Variants in SLC18A2 observed in about 807,000 individuals in gnomAD.
SLC18A2 encodes synaptic vesicular amine transporter.
A neutral mutation model predicts 59.2 loss-of-function variants in SLC18A2; 33 were observed. That is an observed-to-expected ratio of 0.56 (90% CI 0.42 to 0.75). The LOEUF is 0.75. Among genes scored for constraint, SLC18A2 ranks in the 30% least tolerant of loss-of-function variants. The pLI is 0.00. For synonymous variants in SLC18A2, 228 were observed against 253.5 expected (o/e 0.90, Z 0.95); for missense variants, 569 against 668.6 (o/e 0.85, Z 1.64).
chr10:117,260,955 G>A (rs1844288184), intron 10 of SLC18A2, among the ~76,000 whole-genome samples: 1 of 152,200 alleles, frequency 6.6e-6, no homozygotes, highest in South Asian at 2.1e-4. Context: ...AACATCTCAT[G>A]ACTATGGGTC....
At chr10:117,258,799 C>T (rs1389934155) in intron 10 of SLC18A2, among the ~76,000 whole-genome samples, 1 of 143,604 alleles carries the variant, frequency 7.0e-6, no homozygotes, top group Non-Finnish European at 1.5e-5. Context: ...CAAAGTCTCA[C>T]TCTGTCACCC....
In SLC18A2 at chr10:117,241,736, A is replaced by G; in HGVS notation, c.43A>G (p.Ser15Gly). The G allele has an allele frequency of 6.2e-7, 1 of 1,608,200 alleles. No individual in the cohort carries two copies. The highest frequency in any genetic ancestry group is 1.1e-5 in the South Asian group (1 of 90,486). ...GGCGCTGGTCCGCTGGCTGCAGGAG[A>G]GCCGCCGCTCGCGGAAGCTCATCCT... The part of the protein sequence containing the change: ...ELALVRWLQE[S>G]RRSRKLILFI... The change falls in exon 2 of 16, where the codon AGC (serine) becomes GGC (glycine). Residue 15 changes from serine to glycine, a missense_variant. Physicochemically the swap from Ser to Gly is moderately conservative, Grantham distance 56 (BLOSUM62 0). Coordinates refer to ENST00000644641, the MANE Select transcript of SLC18A2 (RefSeq NM_003054.6).
intron 10 of SLC18A2, among the ~76,000 whole-genome samples, chr10:117,259,615 C>T (rs929493): frequency 0.7 from 107,148 of 152,134 alleles, 39,346 homozygotes; most frequent in Middle Eastern, 0.85. Context: ...ACTTTGTCTG[C>T]ATGTATAATT....
chr10:117,269,074 C>T lies in SLC18A2; in HGVS notation c.1187-997C>T, dbSNP rs1266400859. 6.6e-6 allele frequency among the ~76,000 whole-genome samples: 1 copy of T among 151,218 alleles called. No individual in the cohort carries two copies. The highest frequency in any genetic ancestry group is 2.4e-5 in the African/African-American group (1 of 41,092). On this transcript the variant is annotated intron_variant, in intron 13 of 15. Coordinates refer to ENST00000644641, the MANE Select transcript of SLC18A2 (RefSeq NM_003054.6). This position sits in a 1 kb window ranked among gnomAD's most constrained non-coding sequence, Gnocchi z 5.1. Reference sequence around the variant, plus strand: ...CCCCCCACATAAACACATACACATACACAAATATACATACACACATATGCA... The same window carrying T: ...CCCCCCACATAAACACATACACATATACAAATATACATACACACATATGCA...
intron 15 of SLC18A2, among the ~76,000 whole-genome samples, chr10:117,276,956 A>T (rs1322576127): frequency 6.6e-6 from 1 of 152,208 alleles, no homozygotes; most frequent in Non-Finnish European, 1.5e-5. Context: ...TGCAGAGACC[A>T]CTTCTGTCTC....
At chr10:117,270,526 C>A in intron 15 of SLC18A2, 63 bp downstream of exon 15, 2 of 1,576,090 alleles carry the variant, frequency 1.3e-6, no homozygotes, top group Non-Finnish European at 8.7e-7. Flanking sequence ...TTCCTGATAG[C>A]TTCCTCATGG....
Position 117,250,147 on chromosome 10 carries a change from G to A in SLC18A2, c.465-3252G>A, listed in dbSNP as rs3026052. ...CGAGGGGCCAGAAGAGTTTGAGAAC[G>A]GAGACCCAGGAGCTTCCCAGGGAGT... On this transcript the variant is annotated intron_variant, in intron 3 of 15. Transcript: ENST00000644641. Among the ~76,000 whole-genome samples, 764 of 152,290 alleles carry A rather than the reference G, an allele frequency of 5.0e-3. 16 individuals carry two copies. Among genetic ancestry groups the A allele is most frequent in the East Asian group, 0.048 (251 of 5,176 alleles).
chr10:117,248,335 G>C (rs114847032), intron 3 of SLC18A2, among the ~76,000 whole-genome samples: 1 of 152,026 alleles, frequency 6.6e-6, no homozygotes, highest in African/African-American at 2.4e-5. Flanking sequence ...ACAATTCTTG[G>C]GTTCATTTAA....
At chr10:117,242,921 A>G (rs1161910621) in intron 2 of SLC18A2, among the ~76,000 whole-genome samples, 1 of 152,102 alleles carries the variant, frequency 6.6e-6, no homozygotes, top group East Asian at 1.9e-4. Context: ...TATTAGAGAC[A>G]GGATTTTGCC....
intron 3 of SLC18A2, among the ~76,000 whole-genome samples, chr10:117,246,528 G>T (rs368765847): frequency 6.6e-6 from 1 of 152,180 alleles, no homozygotes. Context: ...TATTCTCATG[G>T]TGAGTAATCC....
intron 12 of SLC18A2, 105 bp from the exon 13 acceptor site, chr10:117,267,568 G>A: frequency 1.3e-6 from 1 of 768,890 alleles, no homozygotes; most frequent in Non-Finnish European, 2.1e-6. Flanking sequence ...CTTCAGAAGG[G>A]AACAGGCATA....
At chr10:117,273,859 C>A (rs369737427) in intron 15 of SLC18A2, among the ~76,000 whole-genome samples, 2 of 152,222 alleles carry the variant, frequency 1.3e-5, no homozygotes, top group African/African-American at 4.8e-5. Flanking sequence ...TTGTTTGTAC[C>A]ACTTAGGAGA....
rs1311499273 is a variant in SLC18A2, at chr10:117,270,200, T to C, written c.1306+10T>C. 5.6e-6 allele frequency: 9 copies of C among 1,614,146 alleles called. No individual in the cohort carries two copies. The highest frequency in any genetic ancestry group is 1.3e-5 in the African/African-American group (1 of 75,058). On this transcript the variant is annotated intron_variant, in intron 14 of 15. Transcript: ENST00000644641. ...ATGGGGTATGCTATAGGTAAGGACA[T>C]TGGCTTTTCATAAGAACCTTTTACC...
intron 9 of SLC18A2, 37 bp from the exon 10 acceptor site, chr10:117,257,760 G>T (rs772680783): frequency 2.8e-6 from 4 of 1,411,514 alleles, no homozygotes; most frequent in Non-Finnish European, 3.9e-6. Flanking sequence ...TGAGAGAGGA[G>T]GCAGAAGCCA....
At chr10:117,249,680 A>G (rs1382637981) in intron 3 of SLC18A2, among the ~76,000 whole-genome samples, 1 of 152,258 alleles carries the variant, frequency 6.6e-6, no homozygotes, top group Non-Finnish European at 1.5e-5. Flanking sequence ...CTCTATGGCA[A>G]GGATAAGCTA....
intron 3 of SLC18A2, among the ~76,000 whole-genome samples, chr10:117,247,800 G>T (rs551336835): frequency 1.3e-5 from 2 of 152,158 alleles, no homozygotes; most frequent in East Asian, 3.9e-4. Context: ...TAGTCAGGCT[G>T]GGCAGAGCTA....
chr10:117,257,786 C>G lies in SLC18A2; in HGVS notation c.896-11C>G, dbSNP rs1171008594. On this transcript the variant is annotated splice_polypyrimidine_tract_variant and intron_variant, in intron 9 of 15. Coordinates refer to ENST00000644641, the MANE Select transcript of SLC18A2 (RefSeq NM_003054.6). ...GCAGAAGCCACTACAAAGCCCTTTC[C>G]TCCCTTACAGGCTCCATCTGCTTTG... 3.2e-6 allele frequency: 5 copies of G among 1,579,816 alleles called. No individual in the cohort carries two copies. Among genetic ancestry groups the G allele is most frequent in the African/African-American group, 1.4e-5 (1 of 73,746 alleles).
chr10:117,277,921 T>C lies in SLC18A2; in HGVS notation c.*655T>C, dbSNP rs192631119. The C allele has an allele frequency of 7.9e-5, 12 of 152,306 alleles. No individual in the cohort carries two copies. The East Asian group carries it at 2.1e-3, about 27-fold the overall frequency. 9.4% of individuals were successfully genotyped at this position (152,306 alleles called of 1,614,324 possible). On this transcript the variant is annotated 3_prime_UTR_variant, in exon 16 of 16. Transcript: ENST00000644641. ...AGTTGTAAATTATATGTTAACATGT[T>C]ATCTGGTTGGCAGCAAACACTAAAG... is the stretch of plus-strand genomic sequence containing the variant.
rs1844402220 is a variant in SLC18A2 at position 117,269,734 on chromosome 10, T to C, written c.1187-337T>C. 6.6e-6 allele frequency among the ~76,000 whole-genome samples: 1 copy of C among 152,224 alleles called. No individual in the cohort carries two copies. The highest frequency in any genetic ancestry group is 2.4e-5 in the African/African-American group (1 of 41,450). Reference sequence around the variant, plus strand: ...AAAGTTTCTTTCATTGAAATGGTGCTTGCTGCTTCCTAATATGTACAAGTG... The same window carrying C: ...AAAGTTTCTTTCATTGAAATGGTGCCTGCTGCTTCCTAATATGTACAAGTG... On this transcript the variant is annotated intron_variant, in intron 13 of 15. Transcript: ENST00000644641. This position sits in a 1 kb window ranked among gnomAD's most constrained non-coding sequence, Gnocchi z 5.1.
Sources: allele counts gnomAD v4.1 joint callset (sites outside exome capture counted in the v4.1 genomes callset), GRCh38; gene constraint gnomAD v4.1.1; non-coding constraint Gnocchi (gnomAD v3.1); transcripts MANE v1.5; gene names NCBI Gene and HGNC (gene_info 2026-07-23, HGNC 2026-07-21).